ATOSA: variants seen among roughly 807,000 people sequenced by gnomAD.
The protein encoded by ATOSA is atos homolog A.
At chr15:52,660,830 T>A in the ATOSA span, among the ~76,000 whole-genome samples, 1 of 152,128 alleles carries the variant, frequency 6.6e-6, no homozygotes, top group African/African-American at 2.4e-5. Flanking sequence ...TTTTTTATAT[T>A]TTTAGTAGAG....
the ATOSA span, among the ~76,000 whole-genome samples, chr15:52,634,031 C>T: frequency 6.6e-6 from 1 of 151,638 alleles, no homozygotes; most frequent in African/African-American, 2.4e-5. Flanking sequence ...AATGTGCACC[C>T]TAAAGTAACT....
the ATOSA span, chr15:52,613,790 T>C: frequency 2.5e-6 from 4 of 1,613,942 alleles, no homozygotes; most frequent in Admixed American, 5.0e-5. Context: ...TTCGTCCTTC[T>C]GTTATCAGCA....
chr15:52,642,578 G>T, the ATOSA span, among the ~76,000 whole-genome samples: 1 of 152,132 alleles, frequency 6.6e-6, no homozygotes, highest in Middle Eastern at 3.2e-3. Flanking sequence ...AATCATGAGG[G>T]TGTTGGCCAG....
the ATOSA span, among the ~76,000 whole-genome samples, chr15:52,643,590 C>G: frequency 7.3e-6 from 1 of 136,694 alleles, no homozygotes; most frequent in South Asian, 2.3e-4. Context: ...GCCTTGAACT[C>G]TTTTTTTTTT....
the ATOSA span, among the ~76,000 whole-genome samples, chr15:52,674,112 T>C: frequency 6.6e-6 from 1 of 152,244 alleles, no homozygotes; most frequent in Non-Finnish European, 1.5e-5. Flanking sequence ...TCTTAATCTT[T>C]CATAGCAGTT....
At chr15:52,683,703 G>T in the ATOSA span, among the ~76,000 whole-genome samples, 1 of 152,184 alleles carries the variant, frequency 6.6e-6, no homozygotes, top group Non-Finnish European at 1.5e-5. Context: ...TAAATAATTT[G>T]CCCAAGTTTA....
the ATOSA span, among the ~76,000 whole-genome samples, chr15:52,612,323 G>A: frequency 6.6e-6 from 1 of 151,964 alleles, no homozygotes; most frequent in Non-Finnish European, 1.5e-5. Flanking sequence ...CTTGAGGAGT[G>A]TATCTTTGCT....
At chr15:52,616,652 T>A in the ATOSA span, among the ~76,000 whole-genome samples, 96 of 152,296 alleles carry the variant, frequency 6.3e-4, no homozygotes, top group African/African-American at 2.2e-3. Flanking sequence ...TGACCCATCC[T>A]GGGTCAGTCT....
the ATOSA span, among the ~76,000 whole-genome samples, chr15:52,649,319 T>C: frequency 6.6e-6 from 1 of 152,110 alleles, no homozygotes; most frequent in South Asian, 2.1e-4. Context: ...GGCATACATA[T>C]AGAAATCAAA....
At chr15:52,652,873 C>T in the ATOSA span, among the ~76,000 whole-genome samples, 1 of 152,152 alleles carries the variant, frequency 6.6e-6, no homozygotes, top group African/African-American at 2.4e-5. Context: ...CCAGTTCATA[C>T]TGTCTCCACA....
chr15:52,641,009 A>G, the ATOSA span, among the ~76,000 whole-genome samples: 1 of 152,180 alleles, frequency 6.6e-6, no homozygotes, highest in Non-Finnish European at 1.5e-5. Flanking sequence ...CGTTTATTGC[A>G]GTTCTTTTAA....
At chr15:52,587,400 C>A in the ATOSA span, 1 of 525,352 alleles carries the variant, frequency 1.9e-6, no homozygotes. Context: ...TTTTACTGTT[C>A]CTCCTGGTGA....
At chr15:52,705,544 A>G in the ATOSA span, among the ~76,000 whole-genome samples, 1 of 152,170 alleles carries the variant, frequency 6.6e-6, no homozygotes, top group East Asian at 1.9e-4. Flanking sequence ...AGAAAAAAAA[A>G]ACTTTGTGGT....
chr15:52,704,016 C>T, the ATOSA span, among the ~76,000 whole-genome samples: 2 of 151,970 alleles, frequency 1.3e-5, no homozygotes, highest in Non-Finnish European at 2.9e-5. Flanking sequence ...GTATATACTA[C>T]CTTTTTATAG....
the ATOSA span, chr15:52,677,951 A>G: frequency 6.2e-7 from 1 of 1,606,236 alleles, no homozygotes; most frequent in Non-Finnish European, 8.5e-7. Flanking sequence ...TTCTAAATTG[A>G]GGCATAGAAA....
At chr15:52,666,686 TA>T in the ATOSA span, among the ~76,000 whole-genome samples, 1 of 152,198 alleles carries the variant, frequency 6.6e-6, no homozygotes, top group South Asian at 2.1e-4. Flanking sequence ...CATTCAACAC[TA>T]AACATTTATT....
the ATOSA span, chr15:52,613,682 C>A: frequency 6.2e-7 from 1 of 1,613,698 alleles, no homozygotes; most frequent in East Asian, 2.2e-5. Context: ...CCTGGGCCAG[C>A]TTGTCACTAC....
the ATOSA span, among the ~76,000 whole-genome samples, chr15:52,617,654 G>C: frequency 6.6e-6 from 1 of 151,568 alleles, no homozygotes; most frequent in Admixed American, 6.6e-5. Context: ...TTTTAAGCAT[G>C]TATATAACTT....
chr15:52,701,571 G>A, the ATOSA span, among the ~76,000 whole-genome samples: 1 of 152,140 alleles, frequency 6.6e-6, no homozygotes, highest in Admixed American at 6.5e-5. Flanking sequence ...AACACACACA[G>A]TAAACTTCAA....
Sources: allele counts gnomAD v4.1 joint callset (sites outside exome capture counted in the v4.1 genomes callset), GRCh38; gene constraint gnomAD v4.1.1; transcripts MANE v1.5; gene names NCBI Gene and HGNC (gene_info 2026-07-23, HGNC 2026-07-21).